The following ZFAND6 variants were observed in gnomAD, a reference collection of about 807,000 sequenced individuals.
ZFAND6 encodes the protein AN1-type zinc finger protein 6.
In ZFAND6, 12 loss-of-function variants were observed where a neutral mutation model predicts 24.5. The observed-to-expected ratio is 0.49, with a 90% confidence interval of 0.31 to 0.79. ZFAND6 has a LOEUF of 0.79. Ranked by LOEUF, ZFAND6 falls within the 30% of genes least tolerant of loss-of-function variation. The pLI is 0.04. For synonymous variants in ZFAND6, 92 were observed against 81.5 expected, an observed-to-expected ratio of 1.13 and a Z score of -0.69; for missense variants, 207 against 245.9, an observed-to-expected ratio of 0.84 and a Z score of 1.06.
intron 1 of ZFAND6, among the ~76,000 whole-genome samples, chr15:80,088,498 G>C (rs1433392898): frequency 6.6e-6 from 1 of 152,120 alleles, no homozygotes; most frequent in African/African-American, 2.4e-5. Context: ...CCCGGGAGAC[G>C]GAGGTTGCAG....
chr15:80,064,851 C>T (rs766959325), intron 1 of ZFAND6, among the ~76,000 whole-genome samples: 1 of 151,938 alleles, frequency 6.6e-6, no homozygotes, highest in Non-Finnish European at 1.5e-5. Context: ...AGAATGGTTT[C>T]AAACTCCTGG....
intron 2 of ZFAND6, among the ~76,000 whole-genome samples, chr15:80,114,351 C>G (rs2039762921): frequency 6.6e-6 from 1 of 152,170 alleles, no homozygotes; most frequent in African/African-American, 2.4e-5. Flanking sequence ...AGCATAGTTT[C>G]TAGGGAAATT....
intron 1 of ZFAND6, among the ~76,000 whole-genome samples, chr15:80,073,977 G>A (rs2037125168): frequency 1.3e-5 from 2 of 151,758 alleles, no homozygotes; most frequent in Non-Finnish European, 1.5e-5. Context: ...ATCCTGGAGT[G>A]GCTTTACCTA....
chr15:80,063,846 C>T (rs2036467174), intron 1 of ZFAND6, among the ~76,000 whole-genome samples: 1 of 152,034 alleles, frequency 6.6e-6, no homozygotes, highest in Admixed American at 6.5e-5. Flanking sequence ...CCACTGCACC[C>T]GGCCTAAATT....
At chr15:80,065,075 A>T (rs572858979) in intron 1 of ZFAND6, among the ~76,000 whole-genome samples, 3 of 146,392 alleles carry the variant, frequency 2.0e-5, no homozygotes, top group Admixed American at 6.9e-5. Context: ...AATTAGGTTA[A>T]TACTTTCTTT....
At chr15:80,065,163 A>G (rs145163944) in intron 1 of ZFAND6, among the ~76,000 whole-genome samples, 1 of 151,610 alleles carries the variant, frequency 6.6e-6, no homozygotes, top group African/African-American at 2.4e-5. Flanking sequence ...TTACGGTTTC[A>G]TATTTCACAT....
chr15:80,061,746 T>C (rs922503257), intron 1 of ZFAND6, among the ~76,000 whole-genome samples: 3 of 152,204 alleles, frequency 2.0e-5, no homozygotes, highest in African/African-American at 7.2e-5. Flanking sequence ...AGTCTTGCTC[T>C]GTGAACATTT....
At chr15:80,100,852 GT>G (rs2038989928) in intron 2 of ZFAND6, among the ~76,000 whole-genome samples, 1 of 152,148 alleles carries the variant, frequency 6.6e-6, no homozygotes, top group Non-Finnish European at 1.5e-5. Context: ...GATCCTAGCT[GT>G]CCCTTCTAAC....
At chr15:80,104,673 T>G (rs1424838790) in intron 2 of ZFAND6, among the ~76,000 whole-genome samples, 1 of 152,232 alleles carries the variant, frequency 6.6e-6, no homozygotes, top group Non-Finnish European at 1.5e-5. Context: ...TAATATTTCA[T>G]TGTACTTTTC....
chr15:80,123,036 A>G (rs2040215329), intron 5 of ZFAND6: 1 of 402,062 alleles, frequency 2.5e-6, no homozygotes, highest in African/African-American at 2.0e-5. Context: ...TTAGTTTGGA[A>G]AATATAATTA....
intron 1 of ZFAND6, among the ~76,000 whole-genome samples, chr15:80,079,322 G>A (rs544480355): frequency 1.3e-4 from 19 of 151,878 alleles, no homozygotes; most frequent in Middle Eastern, 3.4e-3. Flanking sequence ...CTGGGTTCAC[G>A]CCATTCTCCT....
At chr15:80,125,126 A>T (rs981843062) in intron 5 of ZFAND6, among the ~76,000 whole-genome samples, 1 of 152,212 alleles carries the variant, frequency 6.6e-6, no homozygotes, top group Non-Finnish European at 1.5e-5. Flanking sequence ...TCATATGGTC[A>T]TAAAAGCTGG....
intron 1 of ZFAND6, among the ~76,000 whole-genome samples, chr15:80,077,802 C>T (rs1300765006): frequency 2.7e-5 from 4 of 146,330 alleles, no homozygotes; most frequent in Admixed American, 7.2e-5. Flanking sequence ...CTGGTTCAAG[C>T]GATTCTCCTG....
chr15:80,084,549 T>A (rs1245515730), intron 1 of ZFAND6, among the ~76,000 whole-genome samples: 1 of 152,190 alleles, frequency 6.6e-6, no homozygotes, highest in Non-Finnish European at 1.5e-5. Context: ...TGAGGAGTAT[T>A]GATTTAATTA....
intron 2 of ZFAND6, chr15:80,112,991 G>GA: frequency 2.6e-6 from 1 of 385,582 alleles, no homozygotes; most frequent in Non-Finnish European, 5.1e-6. Flanking sequence ...CCAGTGATTT[G>GA]AAAAAAGGCG....
In ZFAND6 at chr15:80,069,623, GTTAT is replaced by G. The variant is rs59745016; in HGVS notation, c.-181+9838_-181+9841del. On this transcript the variant is annotated intron_variant, in intron 1 of 6. Transcript: ENST00000261749. ...CAGGGAAATATTTTTTTTATTTTTT[GTTAT>G]TTATTTATTTATTTATTTATTTAGA... Among the ~76,000 whole-genome samples, 194 of 151,372 alleles carry G rather than the reference GTTAT, an allele frequency of 1.3e-3. 1 individual carries two copies. The highest frequency in any genetic ancestry group is 0.01 in the East Asian group (54 of 5,184).
chr15:80,128,722 A>G (rs922555323), intron 5 of ZFAND6, among the ~76,000 whole-genome samples: 2 of 152,238 alleles, frequency 1.3e-5, no homozygotes, highest in Non-Finnish European at 2.9e-5. Context: ...CATTTGAGTT[A>G]TAGCATATAA....
intron 6 of ZFAND6, among the ~76,000 whole-genome samples, chr15:80,135,161 TAATG>T (rs1378584405): frequency 1.3e-5 from 2 of 152,214 alleles, no homozygotes; most frequent in African/African-American, 4.8e-5. Context: ...GACTTTCACT[TAATG>T]AATAGTAAAT....
intron 5 of ZFAND6, among the ~76,000 whole-genome samples, chr15:80,124,857 C>G (rs1213048155): frequency 6.6e-6 from 1 of 151,984 alleles, no homozygotes; most frequent in Non-Finnish European, 1.5e-5. Flanking sequence ...GGGTTAGGTT[C>G]CAGTATGTAA....
Sources: gnomAD v4.1 joint callset for allele counts (sites outside exome capture counted in the v4.1 genomes callset) on GRCh38, gnomAD v4.1.1 for gene constraint, MANE v1.5 for transcripts, NCBI Gene and HGNC (gene_info 2026-07-23, HGNC 2026-07-21) for gene names.